The following SEL1L variants were observed in gnomAD, a reference collection of about 807,000 sequenced individuals.
The protein encoded by SEL1L is SEL1L adaptor subunit of SYVN1 ubiquitin ligase, also known as protein sel-1 homolog 1.
In SEL1L, 52 loss-of-function variants were observed where a neutral mutation model predicts 109.8. That is an observed-to-expected ratio of 0.47 (90% CI 0.38 to 0.60). The LOEUF is 0.60. SEL1L is among the 20% of genes least tolerant of loss of function. The pLI is 0.00. For synonymous variants in SEL1L, 373 were observed against 339.6 expected (o/e 1.10, Z -1.08); for missense variants, 749 against 962.2 (o/e 0.78, Z 2.93).
chr14:81,487,741 AC>A (rs1566971853), intron 15 of SEL1L, 113 bp downstream of exon 15: 7 of 1,530,316 alleles, frequency 4.6e-6, no homozygotes, highest in Non-Finnish European at 6.1e-6. Context: ...AACTGGGAGA[AC>A]ATTTAACCAG....
At chr14:81,485,777 G>GCATT (rs1422805174) in intron 17 of SEL1L, 31 bp from the exon 18 acceptor site, 1 of 1,594,996 alleles carries the variant, frequency 6.3e-7, no homozygotes. Flanking sequence ...TACAAATCAG[G>GCATT]CATTTAAGAA....
intron 3 of SEL1L, among the ~76,000 whole-genome samples, chr14:81,516,932 A>C (rs2140044908): frequency 6.6e-6 from 1 of 152,310 alleles, no homozygotes; most frequent in South Asian, 2.1e-4. Context: ...TTTTGCTGTA[A>C]TAAATCATAG....
chr14:81,487,967 G>A (rs757127297), intron 14 of SEL1L, 25 bp from the exon 15 acceptor site: 3 of 1,566,422 alleles, frequency 1.9e-6, no homozygotes, highest in African/African-American at 1.4e-5. Flanking sequence ...GTCATATGAT[G>A]AGAAAGCTCA....
chr14:81,479,517 A>T, intron 20 of SEL1L, 95 bp downstream of exon 20: 1 of 1,302,384 alleles, frequency 7.7e-7, no homozygotes, highest in Non-Finnish European at 1.1e-6. Flanking sequence ...CTGCAGGACC[A>T]CTCTTCCCTG....
chr14:81,519,386 C>T (rs1205424792), intron 3 of SEL1L, among the ~76,000 whole-genome samples: 1 of 152,220 alleles, frequency 6.6e-6, no homozygotes, highest in East Asian at 1.9e-4. Flanking sequence ...GGAACACTTC[C>T]TACCAAATTA....
In SEL1L at chr14:81,533,682, C is replaced by G. The variant is rs546145518; in HGVS notation, c.63G>C (p.Ala21=). 2.5e-6 allele frequency: 4 copies of G among 1,613,022 alleles called. No homozygotes were observed. The South Asian group carries it at 4.4e-5, about 18-fold the overall frequency. ...LCAVLLSLAS[A]SSDEEGSQDE... ...GAGGGGGCGGATACTGACCCGAGGA[C>G]GCCGAGGCCAAGCTCAGCAGCACCG... The change falls in exon 1 of 21, where the codon GCG becomes GCC. Residue 21 remains alanine, a synonymous_variant. Coordinates refer to ENST00000336735, the MANE Select transcript of SEL1L (RefSeq NM_005065.6).
chr14:81,504,898 A>G (rs571026388), intron 4 of SEL1L, among the ~76,000 whole-genome samples: 1 of 152,180 alleles, frequency 6.6e-6, no homozygotes, highest in East Asian at 1.9e-4. Context: ...TGCATCTCAT[A>G]TGGTAAGTTT....
chr14:81,501,208 G>A (rs1337315025), intron 6 of SEL1L, among the ~76,000 whole-genome samples: 2 of 152,176 alleles, frequency 1.3e-5, no homozygotes, highest in East Asian at 1.9e-4. Context: ...ATGCCAACAG[G>A]AGAGCTACAT....
At chr14:81,502,955 A>G (rs1884074783) in intron 5 of SEL1L, 72 bp from the exon 6 acceptor site, 1 of 1,187,374 alleles carries the variant, frequency 8.4e-7, no homozygotes. Context: ...TTGATCTACT[A>G]AAACGCAACA....
At chr14:81,499,065 A>G (rs1883896024) in intron 8 of SEL1L, 1 of 880,962 alleles carries the variant, frequency 1.1e-6, no homozygotes, top group East Asian at 1.1e-4. Flanking sequence ...AAAATATTGT[A>G]TAATATTTCA....
chr14:81,509,362 A>G (rs1278175559), intron 3 of SEL1L, among the ~76,000 whole-genome samples: 1 of 152,248 alleles, frequency 6.6e-6, no homozygotes, highest in Non-Finnish European at 1.5e-5. Flanking sequence ...AGGTTATGCA[A>G]TTTAAATTAG....
intron 19 of SEL1L, among the ~76,000 whole-genome samples, chr14:81,482,518 A>C (rs1033814123): frequency 6.6e-6 from 1 of 152,152 alleles, no homozygotes; most frequent in Non-Finnish European, 1.5e-5. Context: ...TTTAAAAAAA[A>C]CGACAAAAAT....
chr14:81,530,528 A>T (rs749380489), intron 1 of SEL1L, among the ~76,000 whole-genome samples: 2 of 152,190 alleles, frequency 1.3e-5, no homozygotes, highest in Non-Finnish European at 2.9e-5. Context: ...CTGGCAGTGG[A>T]CCTAACTAAA....
At position 81,475,393 on chromosome 14, in the gene SEL1L, A is replaced by T. The variant is rs150690443; in HGVS notation, c.*1579T>A. ...CACAAAAAGGTATACAACTTCATAT[A>T]TAAAAGCCTTCATGTTCATTATAGA... On this transcript the variant is annotated 3_prime_UTR_variant, in exon 21 of 21. Transcript: ENST00000336735. 130 of 152,774 alleles carry T rather than the reference A, an allele frequency of 8.5e-4. 2 individuals carry two copies. Among genetic ancestry groups the T allele is most frequent in the African/African-American group, 2.9e-3 (122 of 41,578 alleles). The allele number at this position is 152,774 out of a possible 1,614,324, so 9.5% of individuals were successfully genotyped here. A position where few individuals can be genotyped will look rare whatever the true frequency, so the allele number is the denominator to read the frequency against.
At chr14:81,507,350 G>A (rs1166401919) in intron 3 of SEL1L, among the ~76,000 whole-genome samples, 2 of 152,086 alleles carry the variant, frequency 1.3e-5, no homozygotes, top group Non-Finnish European at 2.9e-5. Context: ...GCCCAGAGAG[G>A]GGAATGGAAT....
intron 13 of SEL1L, among the ~76,000 whole-genome samples, chr14:81,489,885 A>C (rs1883475219): frequency 1.3e-5 from 2 of 152,228 alleles, no homozygotes; most frequent in Non-Finnish European, 2.9e-5. Context: ...AAAGATTGTC[A>C]TAGCATTCCT....
rs1351602529 is a variant in SEL1L at position 81,490,440 on chromosome 14, A to G, written c.1280T>C (p.Val427Ala). 1 of 1,613,926 alleles carries G rather than the reference A, an allele frequency of 6.2e-7. No individual in the cohort carries two copies. Among genetic ancestry groups the G allele is most frequent in the Non-Finnish European group, 8.5e-7 (1 of 1,179,798 alleles). Reference protein sequence around the residue: ...GKMYSEGSDIVPQSNETALHY... With the variant: ...GKMYSEGSDIAPQSNETALHY... ...GAGAGCTGTCTCATTACTCTGAGGTACAATGTCACTTCCTTCCGAATACAT... is the reference window on the plus strand; with the variant it reads ...GAGAGCTGTCTCATTACTCTGAGGTGCAATGTCACTTCCTTCCGAATACAT... The change falls in exon 13 of 21, where the codon GTA becomes GCA. Residue 427 changes from valine to alanine, a missense_variant. Physicochemically the swap from Val to Ala is moderately conservative, Grantham distance 64. Transcript: ENST00000336735.
At chr14:81,478,331 T>A (rs971122559) in intron 20 of SEL1L, among the ~76,000 whole-genome samples, 4 of 152,166 alleles carry the variant, frequency 2.6e-5, no homozygotes, top group African/African-American at 9.7e-5. Flanking sequence ...GATCGATACT[T>A]ATTAGTCTTA....
chr14:81,508,523 G>C (rs1156800794), intron 3 of SEL1L, among the ~76,000 whole-genome samples: 1 of 152,110 alleles, frequency 6.6e-6, no homozygotes, highest in Non-Finnish European at 1.5e-5. Context: ...GAGGTGGGCA[G>C]ATCACTTGAA....
Sources: gnomAD v4.1 joint callset for allele counts (sites outside exome capture counted in the v4.1 genomes callset) on GRCh38, gnomAD v4.1.1 for gene constraint, MANE v1.5 for transcripts, NCBI Gene and HGNC (gene_info 2026-07-23, HGNC 2026-07-21) for gene names.